The following EYS variants were observed in gnomAD, a reference collection of about 807,000 sequenced individuals.
EYS encodes the protein EGF-like photoreceptor maintenance factor, also known as protein eyes shut homolog.
A neutral mutation model predicts 282.1 loss-of-function variants in EYS; 250 were observed. The observed-to-expected ratio is 0.89, with a 90% confidence interval of 0.80 to 0.98. The LOEUF is 0.98. Among genes scored for constraint, EYS ranks in the 50% least tolerant of loss-of-function variants. EYS has a pLI of 0.00. For missense variants in EYS, 4,016 were observed against 3,709.0 expected, an observed-to-expected ratio of 1.08 and a Z score of -2.15; for synonymous variants, 1,355 against 1,282.9, an observed-to-expected ratio of 1.06 and a Z score of -1.20.
chr6:64,719,935 T>G (rs1015339733), intron 22 of EYS, among the ~76,000 whole-genome samples: 13 of 152,196 alleles, frequency 8.5e-5, no homozygotes, highest in Non-Finnish European at 1.6e-4. Context: ...CTCCAAGTCT[T>G]GCCGTTAGAA....
chr6:64,263,373 A>G (rs1767652099), intron 30 of EYS, among the ~76,000 whole-genome samples: 1 of 151,906 alleles, frequency 6.6e-6, no homozygotes, highest in South Asian at 2.1e-4. Flanking sequence ...TCTTACCTAG[A>G]TCCCTTTTCA....
At chr6:65,432,919 G>T (rs1767938628) in intron 5 of EYS, among the ~76,000 whole-genome samples, 1 of 151,862 alleles carries the variant, frequency 6.6e-6, no homozygotes, top group Admixed American at 6.6e-5. Flanking sequence ...GAAAAAAAAA[G>T]ACTGCAAGGT....
intron 12 of EYS, among the ~76,000 whole-genome samples, chr6:65,160,073 A>T (rs767682118): frequency 2.0e-5 from 3 of 150,722 alleles, no homozygotes; most frequent in Non-Finnish European, 4.5e-5. Context: ...TTTTTCTCAT[A>T]TTTGTTGCTC....
intron 29 of EYS, among the ~76,000 whole-genome samples, chr6:64,311,565 A>T (rs1371107015): frequency 6.6e-6 from 1 of 152,210 alleles, no homozygotes; most frequent in South Asian, 2.1e-4. Flanking sequence ...ATAAAAACAA[A>T]ATTCTCGAGC....
intron 22 of EYS, among the ~76,000 whole-genome samples, chr6:64,671,719 A>G (rs192219605): frequency 6.6e-6 from 1 of 152,266 alleles, no homozygotes; most frequent in East Asian, 1.9e-4. Context: ...GTTGTGTATT[A>G]TAATAGAATT....
chr6:64,697,466 C>T (rs1488747606), intron 22 of EYS, among the ~76,000 whole-genome samples: 1 of 152,218 alleles, frequency 6.6e-6, no homozygotes. Flanking sequence ...ACTCATAGCA[C>T]TGGACATGTC....
intron 30 of EYS, among the ~76,000 whole-genome samples, chr6:64,274,928 GAAC>G (rs1322081708): frequency 2.6e-5 from 4 of 152,116 alleles, no homozygotes; most frequent in Non-Finnish European, 4.4e-5. Flanking sequence ...CTGGAAGCTG[GAAC>G]AACAATGCCA....
chr6:64,707,584 G>C (rs1771070252), intron 22 of EYS, among the ~76,000 whole-genome samples: 1 of 151,280 alleles, frequency 6.6e-6, no homozygotes, highest in African/African-American at 2.4e-5. Context: ...CAGGAGAATG[G>C]CGTGAACCCG....
chr6:64,699,947 C>T (rs373928074), intron 22 of EYS, among the ~76,000 whole-genome samples: 142 of 151,910 alleles, frequency 9.3e-4, no homozygotes, highest in African/African-American at 3.4e-3. Context: ...GCAAAAATCC[C>T]CCATATCTCT....
chr6:65,368,970 T>C (rs1765022754), intron 8 of EYS, among the ~76,000 whole-genome samples: 1 of 151,416 alleles, frequency 6.6e-6, no homozygotes, highest in African/African-American at 2.4e-5. Flanking sequence ...AGCAATTCAG[T>C]GGCTATTTGA....
In EYS at chr6:65,443,258, A is replaced by C. The variant is rs368330312; in HGVS notation, c.863-37891T>G. ...AACATATAGACATATGTGTATACATATATGCAAACATATAGACATGTATGC... is the reference window on the plus strand; with the variant it reads ...AACATATAGACATATGTGTATACATCTATGCAAACATATAGACATGTATGC... On this transcript the variant is annotated intron_variant, in intron 5 of 42. Coordinates refer to ENST00000503581, the MANE Select transcript of EYS (RefSeq NM_001142800.2). Among the ~76,000 whole-genome samples the C allele has an allele frequency of 6.5e-5, 9 of 138,946 alleles. 1 individual carries two copies. The allele number at this position is 138,946 out of a possible 152,430, so 91.2% of individuals were successfully genotyped here.
intron 35 of EYS, among the ~76,000 whole-genome samples, chr6:63,879,329 A>G (rs1337405472): frequency 6.6e-6 from 1 of 152,232 alleles, no homozygotes; most frequent in Non-Finnish European, 1.5e-5. Flanking sequence ...TAAAAATAAC[A>G]TAAACATAAT....
intron 2 of EYS, among the ~76,000 whole-genome samples, chr6:65,613,336 G>C (rs1373865993): frequency 1.3e-5 from 2 of 151,814 alleles, no homozygotes; most frequent in Non-Finnish European, 1.5e-5. Context: ...GAGAGACCTA[G>C]TTGAATCCTT....
intron 29 of EYS, among the ~76,000 whole-genome samples, chr6:64,385,671 T>C (rs1358608068): frequency 6.6e-6 from 1 of 152,178 alleles, no homozygotes; most frequent in African/African-American, 2.4e-5. Flanking sequence ...ATTTCAAAAC[T>C]CTGTCCTCCC....
At chr6:65,013,213 A>T (rs1312033300) in intron 13 of EYS, among the ~76,000 whole-genome samples, 1 of 152,160 alleles carries the variant, frequency 6.6e-6, no homozygotes, top group Non-Finnish European at 1.5e-5. Flanking sequence ...TGCTTTGTAA[A>T]TAATTTTGTA....
At chr6:63,904,337 T>A (rs943412945) in intron 35 of EYS, among the ~76,000 whole-genome samples, 2 of 152,208 alleles carry the variant, frequency 1.3e-5, no homozygotes, top group Admixed American at 1.3e-4. Flanking sequence ...CAACCTTTTT[T>A]TTTCTATCTT....
chr6:65,328,140 C>T (rs976741397), intron 11 of EYS, among the ~76,000 whole-genome samples: 7 of 151,342 alleles, frequency 4.6e-5, no homozygotes, highest in African/African-American at 1.7e-4. Context: ...CTGAACTGTT[C>T]TGTGCATTGA....
chr6:63,875,315 A>G (rs1351416152), intron 35 of EYS, among the ~76,000 whole-genome samples: 3 of 152,200 alleles, frequency 2.0e-5, no homozygotes, highest in Non-Finnish European at 2.9e-5. Context: ...CATCCCAGGG[A>G]TGAAGCCAAC....
At position 64,023,268 on chromosome 6, in the gene EYS, C is replaced by G. The variant is rs145323487; in HGVS notation, c.6726-24085G>C. On this transcript the variant is annotated intron_variant, in intron 33 of 42. Transcript: ENST00000503581. ...AAATCTATTTCTCTGTTGATCGATA[C>G]TTCTCCATTTGGGTTGTGAACAATT... Among the ~76,000 whole-genome samples the G allele has an allele frequency of 9.8e-5, 15 of 152,332 alleles. No individual in the cohort carries two copies. The East Asian group carries it at 2.3e-3, about 23-fold the overall frequency.
Sources: allele counts gnomAD v4.1 joint callset (sites outside exome capture counted in the v4.1 genomes callset), GRCh38; gene constraint gnomAD v4.1.1; transcripts MANE v1.5; gene names NCBI Gene and HGNC (gene_info 2026-07-23, HGNC 2026-07-21).